The following CEP112 variants were observed in gnomAD, a reference collection of about 807,000 sequenced individuals.
CEP112 encodes centrosomal protein of 112 kDa.
Under a neutral mutation model 153.0 loss-of-function variants are expected in CEP112, and 127 were observed. That is an observed-to-expected ratio of 0.83 (90% CI 0.72 to 0.96). The LOEUF is 0.96. CEP112 is among the 40% of genes least tolerant of loss of function. The pLI is 0.00. For missense variants in CEP112, 1,089 were observed against 1,101.2 expected, an observed-to-expected ratio of 0.99 and a Z score of 0.16; for synonymous variants, 358 against 374.4, an observed-to-expected ratio of 0.96 and a Z score of 0.51.
At chr17:65,788,683 A>G (rs771349372) in intron 21 of CEP112, among the ~76,000 whole-genome samples, 49 of 152,080 alleles carry the variant, frequency 3.2e-4, no homozygotes, top group Non-Finnish European at 6.3e-4. Flanking sequence ...TATTCATTAA[A>G]TTATCTTTTC....
At chr17:65,795,915 T>C (rs1311514469) in intron 21 of CEP112, among the ~76,000 whole-genome samples, 2 of 152,190 alleles carry the variant, frequency 1.3e-5, no homozygotes, top group African/African-American at 2.4e-5. Context: ...CCCAACCCCC[T>C]GAGTAAGGCA....
At chr17:66,184,402 G>A (rs1307598864) in intron 1 of CEP112, among the ~76,000 whole-genome samples, 1 of 152,080 alleles carries the variant, frequency 6.6e-6, no homozygotes, top group Non-Finnish European at 1.5e-5. Context: ...CTTGTATCAA[G>A]AATACATAAG....
chr17:66,130,059 T>C (rs1275285349), intron 5 of CEP112, among the ~76,000 whole-genome samples: 1 of 151,840 alleles, frequency 6.6e-6, no homozygotes, highest in Non-Finnish European at 1.5e-5. Flanking sequence ...AAGAACAAAA[T>C]ACATGTCATT....
chr17:66,036,031 G>C (rs1285813871), intron 12 of CEP112, among the ~76,000 whole-genome samples: 1 of 152,188 alleles, frequency 6.6e-6, no homozygotes, highest in African/African-American at 2.4e-5. Flanking sequence ...ATATTATTCA[G>C]CCATTAAAAA....
At chr17:65,862,346 T>C (rs1029629027) in intron 20 of CEP112, among the ~76,000 whole-genome samples, 1 of 152,196 alleles carries the variant, frequency 6.6e-6, no homozygotes, top group East Asian at 1.9e-4. Context: ...CCTAGCACTT[T>C]GGGAGGCCAA....
intron 8 of CEP112, among the ~76,000 whole-genome samples, chr17:66,093,996 G>A (rs2068239316): frequency 6.6e-6 from 1 of 152,106 alleles, no homozygotes; most frequent in African/African-American, 2.4e-5. Context: ...TAATGAAACA[G>A]AACAGGGAAC....
intron 18 of CEP112, among the ~76,000 whole-genome samples, chr17:65,941,008 T>G (rs981436834): frequency 6.6e-6 from 1 of 152,112 alleles, no homozygotes; most frequent in Admixed American, 6.5e-5. Context: ...ATCTCATAAA[T>G]ATATACAATT....
intron 19 of CEP112, among the ~76,000 whole-genome samples, chr17:65,926,570 G>A (rs562652549): frequency 1.1e-4 from 16 of 152,130 alleles, no homozygotes; most frequent in Admixed American, 3.3e-4. Context: ...AAATTTAGCC[G>A]GACGTGGTGG....
At chr17:66,115,864 T>G (rs1213952248) in intron 6 of CEP112, among the ~76,000 whole-genome samples, 1 of 152,212 alleles carries the variant, frequency 6.6e-6, no homozygotes, top group Non-Finnish European at 1.5e-5. Context: ...CAGCAGGGCC[T>G]AGACTGAACC....
chr17:65,729,971 T>C (rs1195153332), intron 23 of CEP112, among the ~76,000 whole-genome samples: 3 of 152,200 alleles, frequency 2.0e-5, no homozygotes, highest in African/African-American at 4.8e-5. Flanking sequence ...TAACCATATA[T>C]AGTCACCTAG....
intron 18 of CEP112, among the ~76,000 whole-genome samples, chr17:65,941,281 TTAAAA>T (rs1229059090): frequency 4.6e-5 from 7 of 152,066 alleles, no homozygotes; most frequent in South Asian, 2.1e-4. Flanking sequence ...ATTTAAGTAC[TTAAAA>T]TAGAAGAATT....
chr17:65,846,117 T>C lies in CEP112; in HGVS notation c.2394+5687A>G, dbSNP rs1048587275. Among the ~76,000 whole-genome samples, 11 of 152,208 alleles carry C rather than the reference T, an allele frequency of 7.2e-5. 1 individual carries two copies. The East Asian group carries it at 1.2e-3, about 16-fold the overall frequency. ...GATAGAAAATGAACTTCTAAACCTC[T>C]GAATTCTTGACTGGGTTTTAAACTG... On this transcript the variant is annotated intron_variant, in intron 21 of 26. Coordinates refer to ENST00000535342, the MANE Select transcript of CEP112 (RefSeq NM_001199165.4).
At chr17:66,106,694 C>T (rs562791564) in intron 6 of CEP112, among the ~76,000 whole-genome samples, 24 of 152,124 alleles carry the variant, frequency 1.6e-4, no homozygotes, top group Middle Eastern at 3.4e-3. Flanking sequence ...AATGGCTTCA[C>T]TGCTGAATTT....
chr17:65,639,803 C>T (rs956114624), intron 25 of CEP112, among the ~76,000 whole-genome samples: 4 of 150,358 alleles, frequency 2.7e-5, no homozygotes, highest in Non-Finnish European at 5.9e-5. Context: ...CATCGTGAAC[C>T]ACATCACATT....
chr17:65,875,869 G>A (rs2058809289), intron 20 of CEP112, among the ~76,000 whole-genome samples: 2 of 152,160 alleles, frequency 1.3e-5, no homozygotes, highest in South Asian at 4.1e-4. Flanking sequence ...TGTATAAACT[G>A]ATTTCAAAAT....
chr17:65,843,810 T>C (rs573378873), intron 21 of CEP112, among the ~76,000 whole-genome samples: 2 of 152,306 alleles, frequency 1.3e-5, no homozygotes, highest in South Asian at 2.1e-4. Context: ...GTTTGATGTG[T>C]TGGTATATTT....
At chr17:65,969,672 G>A (rs1054863909) in intron 17 of CEP112, among the ~76,000 whole-genome samples, 1 of 152,142 alleles carries the variant, frequency 6.6e-6, no homozygotes, top group African/African-American at 2.4e-5. Context: ...ACTGCATATT[G>A]CATGCATGTG....
At chr17:65,895,124 T>G (rs1352119372) in intron 20 of CEP112, among the ~76,000 whole-genome samples, 1 of 152,116 alleles carries the variant, frequency 6.6e-6, no homozygotes, top group Non-Finnish European at 1.5e-5. Flanking sequence ...GACTTTGCTA[T>G]GAGTTGGGCA....
Position 66,078,248 on chromosome 17 carries a change from T to C in CEP112, c.769-8247A>G, listed in dbSNP as rs561739129. Among the ~76,000 whole-genome samples, 107 of 71,970 alleles carry C rather than the reference T, an allele frequency of 1.5e-3. 1 individual carries two copies. Among genetic ancestry groups the C allele is most frequent in the African/African-American group, 3.5e-3 (91 of 26,060 alleles). 47.2% of individuals were successfully genotyped at this position (71,970 alleles called of 152,430 possible). A position where few individuals can be genotyped will look rare whatever the true frequency, so the allele number is the denominator to read the frequency against. ...TGTGCTTTTGTATCTTTTTTTTTTCTTTTCTTTTCTTTTTCTTTTTTTTTT... is the reference window on the plus strand; with the variant it reads ...TGTGCTTTTGTATCTTTTTTTTTTCCTTTCTTTTCTTTTTCTTTTTTTTTT... On this transcript the variant is annotated intron_variant, in intron 8 of 26. Coordinates refer to ENST00000535342, the MANE Select transcript of CEP112 (RefSeq NM_001199165.4).
Sources: allele counts gnomAD v4.1 joint callset (sites outside exome capture counted in the v4.1 genomes callset), GRCh38; gene constraint gnomAD v4.1.1; transcripts MANE v1.5; gene names NCBI Gene and HGNC (gene_info 2026-07-23, HGNC 2026-07-21).